FBXL18: variants seen among roughly 807,000 people sequenced by gnomAD.
FBXL18 encodes F-box and leucine rich repeat protein 18.
Under a neutral mutation model 46.0 loss-of-function variants are expected in FBXL18, and 36 were observed. The observed-to-expected ratio is 0.78, with a 90% CI of 0.60 to 1.03. The LOEUF (loss-of-function observed/expected upper bound fraction) is 1.03, where lower values mean the gene tolerates loss of function less well. Ranked by LOEUF, FBXL18 falls within the 50% of genes least tolerant of loss-of-function variation. The pLI, the probability that FBXL18 is intolerant of heterozygous loss-of-function variation, is 0.00. For missense variants in FBXL18, 977 were observed against 1,004.1 expected (o/e 0.97, Z 0.36); for synonymous variants, 557 against 465.3 (o/e 1.20, Z -2.54).
intron 4 of FBXL18, among the ~76,000 whole-genome samples, chr7:5,484,811 G>C (rs1783733984): frequency 6.6e-6 from 1 of 151,736 alleles, no homozygotes; most frequent in Non-Finnish European, 1.5e-5. Flanking sequence ...GCTAATTTTT[G>C]TATCTTTAGT....
At position 5,465,575 on chromosome 7, in the gene FBXL18, A is replaced by C. The variant is rs143460964; in HGVS notation, c.2001-17732T>G. 5.3e-3 allele frequency among the ~76,000 whole-genome samples: 804 copies of C among 152,140 alleles called. 6 individuals carry two copies. Among genetic ancestry groups the C allele is most frequent in the African/African-American group, 0.018 (762 of 41,512 alleles). The stretch of plus-strand genomic sequence containing the variant: ...CGGCAGCTTTGAACTCCTGGACTCA[A>C]ACAGTCCTCCCACCTCACACCACTG... On this transcript the variant is annotated intron_variant and NMD_transcript_variant, in intron 4 of 6. Transcript: ENST00000415009.
At chr7:5,489,650 G>T in intron 4 of FBXL18, 1 of 216,626 alleles carries the variant, frequency 4.6e-6, no homozygotes, top group Non-Finnish European at 9.4e-6. Context: ...GTGGTGGCGG[G>T]CGCCTGTAGT....
chr7:5,512,540 G>T (rs538763578), intron 1 of FBXL18, among the ~76,000 whole-genome samples: 1 of 152,268 alleles, frequency 6.6e-6, no homozygotes, highest in Non-Finnish European at 1.5e-5. Flanking sequence ...CTTGAGCAGG[G>T]GAGGCGGAGG....
chr7:5,484,469 CA>C (rs35237238), intron 4 of FBXL18, among the ~76,000 whole-genome samples: 2,946 of 68,264 alleles, frequency 0.043, 28 homozygotes, highest in African/African-American at 0.05. Context: ...GACTCTGTCT[CA>C]AAAAAAAAAA....
At chr7:5,470,440 G>A (rs1014608391) in intron 4 of FBXL18, among the ~76,000 whole-genome samples, 6 of 152,140 alleles carry the variant, frequency 3.9e-5, no homozygotes, top group South Asian at 4.2e-4. Context: ...CAAGACACCC[G>A]TGCCCGCGGG....
In FBXL18 at chr7:5,501,993, G is replaced by T. The variant is rs1194781015; in HGVS notation, c.276C>A (p.Ile92=). 3 of 1,606,172 alleles carry T rather than the reference G, an allele frequency of 1.9e-6. No homozygotes were observed. The highest frequency in any genetic ancestry group is 1.7e-4 in the Middle Eastern group (1 of 6,026). ...EDKVRQLVKE[I]GREIQQLSMA... Reference sequence around the variant, plus strand: ...TGCTCAGCTGCTGGATCTCCCGGCCGATCTCCTTCACCAGCTGCCTCACTT... The same window carrying T: ...TGCTCAGCTGCTGGATCTCCCGGCCTATCTCCTTCACCAGCTGCCTCACTT... Residue 92 remains isoleucine, a synonymous_variant, in exon 3 of 5, where the codon ATC becomes ATA. Transcript: ENST00000382368.
chr7:5,459,850 C>A (rs538217648), intron 4 of FBXL18, among the ~76,000 whole-genome samples: 52 of 152,062 alleles, frequency 3.4e-4, no homozygotes, highest in African/African-American at 1.2e-3. Flanking sequence ...GAGGCAGAGG[C>A]TGCCGTGAGC....
At chr7:5,468,038 A>G (rs1376264096) in intron 4 of FBXL18, among the ~76,000 whole-genome samples, 1 of 149,468 alleles carries the variant, frequency 6.7e-6, no homozygotes. Context: ...GCTGGAGTGC[A>G]GTGGCACGAT....
At chr7:5,462,517 G>A (rs1271661605) in intron 4 of FBXL18, among the ~76,000 whole-genome samples, 1 of 152,138 alleles carries the variant, frequency 6.6e-6, no homozygotes, top group East Asian at 1.9e-4. Context: ...AGGCGTTGCA[G>A]GCAGTACCCA....
intron 3 of FBXL18, chr7:5,495,738 C>A: frequency 4.3e-6 from 2 of 464,586 alleles, no homozygotes; most frequent in South Asian, 1.6e-5. Flanking sequence ...CTCCTGCCCA[C>A]GGGCAAGCGA....
At chr7:5,508,991 G>C (rs1158529258) in intron 1 of FBXL18, among the ~76,000 whole-genome samples, 3 of 152,076 alleles carry the variant, frequency 2.0e-5, no homozygotes, top group Non-Finnish European at 4.4e-5. Context: ...TCAGGAGTTT[G>C]AGACAGGCCT....
intron 4 of FBXL18, among the ~76,000 whole-genome samples, chr7:5,469,231 G>C (rs933437593): frequency 6.6e-6 from 1 of 152,124 alleles, no homozygotes; most frequent in African/African-American, 2.4e-5. Flanking sequence ...GGCCAACATG[G>C]TGAAACCCCG....
At chr7:5,499,399 CTG>C in intron 3 of FBXL18, among the ~76,000 whole-genome samples, 1 of 151,534 alleles carries the variant, frequency 6.6e-6, no homozygotes, top group South Asian at 2.1e-4. Flanking sequence ...TTCCAAGTCT[CTG>C]GGGTTTCTTC....
At position 5,483,579 on chromosome 7, in the gene FBXL18, T is replaced by C. The variant is rs1584204271; in HGVS notation, c.2001-1648A>G. On this transcript the variant is annotated intron_variant, in intron 4 of 4. Coordinates refer to ENST00000382368, the MANE Select transcript of FBXL18 (RefSeq NM_024963.6). ...GACCAACATGGAGAAACCCCATCTC[T>C]ACTAATAATACAAAATTAGCCGGGC... is the stretch of plus-strand genomic sequence containing the variant. Among the ~76,000 whole-genome samples the C allele has an allele frequency of 2.0e-5, 3 of 151,768 alleles. No homozygotes were observed. The East Asian group carries it at 5.8e-4, about 29-fold the overall frequency.
At chr7:5,464,933 C>T (rs865894724) in intron 4 of FBXL18, among the ~76,000 whole-genome samples, 6 of 150,526 alleles carry the variant, frequency 4.0e-5, no homozygotes, top group East Asian at 4.1e-4. Flanking sequence ...TGTGGTGGTG[C>T]GCGCCTGTAA....
chr7:5,503,515 T>G (rs4355692), intron 2 of FBXL18, among the ~76,000 whole-genome samples: 138,928 of 151,692 alleles, frequency 0.92, 63,658 homozygotes, highest in African/African-American at 0.94. Flanking sequence ...CACCATGCCA[T>G]GCTCATTTTT....
intron 1 of FBXL18, among the ~76,000 whole-genome samples, chr7:5,505,949 C>A (rs915327347): frequency 2.0e-5 from 3 of 152,192 alleles, no homozygotes; most frequent in Admixed American, 2.0e-4. Context: ...ACTGCAACCT[C>A]CGCCTCCCAG....
intron 1 of FBXL18, among the ~76,000 whole-genome samples, chr7:5,512,264 A>AAAAAGG (rs1171032731): frequency 6.7e-6 from 1 of 149,556 alleles, no homozygotes; most frequent in African/African-American, 2.5e-5. Flanking sequence ...AAAGAAAAAG[A>AAAAAGG]AAAAGAGGCA....
At chr7:5,462,158 G>A (rs1253779649) in intron 4 of FBXL18, among the ~76,000 whole-genome samples, 1 of 152,034 alleles carries the variant, frequency 6.6e-6, no homozygotes, top group Non-Finnish European at 1.5e-5. Context: ...AACCCAGGAG[G>A]TGGAGGCTGC....
Sources: gnomAD v4.1 joint callset for allele counts (sites outside exome capture counted in the v4.1 genomes callset) on GRCh38, gnomAD v4.1.1 for gene constraint, MANE v1.5 for transcripts, NCBI Gene and HGNC (gene_info 2026-07-23, HGNC 2026-07-21) for gene names.